The following SLC9A9 variants were observed in gnomAD, a reference collection of about 807,000 sequenced individuals.
SLC9A9 encodes solute carrier family 9 member A9, also known as sodium/hydrogen exchanger 9.
In SLC9A9, 62 loss-of-function variants were observed where a neutral mutation model predicts 77.8. That is an observed-to-expected ratio of 0.80 (90% CI 0.65 to 0.98). The LOEUF is 0.98. Among genes scored for constraint, SLC9A9 ranks in the 50% least tolerant of loss-of-function variants. The pLI, the probability that SLC9A9 is intolerant of heterozygous loss-of-function variation, is 0.00. For missense variants in SLC9A9, 775 were observed against 774.9 expected (o/e 1.00, Z 0.00); for synonymous variants, 320 against 283.5 (o/e 1.13, Z -1.29).
chr3:143,741,754 A>T (rs1337011401), intron 4 of SLC9A9, among the ~76,000 whole-genome samples: 1 of 152,122 alleles, frequency 6.6e-6, no homozygotes, highest in Non-Finnish European at 1.5e-5. Context: ...TACGTCGGTG[A>T]TCTTCCCCCT....
intron 14 of SLC9A9, among the ~76,000 whole-genome samples, chr3:143,338,062 A>T (rs76350350): frequency 7.8e-4 from 119 of 152,286 alleles, no homozygotes; most frequent in African/African-American, 2.8e-3. Flanking sequence ...GCCCTATTCA[A>T]ACATATACTC....
At chr3:143,346,916 A>G (rs1320338784) in intron 14 of SLC9A9, 1 of 152,240 alleles carries the variant, frequency 6.6e-6, no homozygotes, top group Non-Finnish European at 1.5e-5. Flanking sequence ...AATTTTTCAG[A>G]TGACTCTTGT....
chr3:143,715,781 G>C (rs1482798006), intron 4 of SLC9A9, among the ~76,000 whole-genome samples: 1 of 152,142 alleles, frequency 6.6e-6, no homozygotes, highest in Non-Finnish European at 1.5e-5. Context: ...CTCCCACACC[G>C]CAAGGTCAAG....
intron 9 of SLC9A9, among the ~76,000 whole-genome samples, chr3:143,510,209 C>T (rs1199682882): frequency 6.6e-6 from 1 of 151,940 alleles, no homozygotes; most frequent in Admixed American, 6.5e-5. Flanking sequence ...AATGTATATC[C>T]AAATACAGAC....
At chr3:143,808,062 C>T (rs2008771222) in intron 2 of SLC9A9, among the ~76,000 whole-genome samples, 1 of 152,162 alleles carries the variant, frequency 6.6e-6, no homozygotes, top group South Asian at 2.1e-4. Flanking sequence ...GCAGAATGAG[C>T]AGTCAACAAG....
At chr3:143,626,150 A>C (rs985546697) in intron 6 of SLC9A9, among the ~76,000 whole-genome samples, 36 of 152,228 alleles carry the variant, frequency 2.4e-4, no homozygotes, top group African/African-American at 8.2e-4. Context: ...AAATAGGAAC[A>C]CTTTTATGCT....
chr3:143,778,868 G>T (rs1418073320), intron 4 of SLC9A9, among the ~76,000 whole-genome samples: 2 of 152,190 alleles, frequency 1.3e-5, no homozygotes, highest in Non-Finnish European at 2.9e-5. Flanking sequence ...GGCTGCAATT[G>T]AGTGAGTTAA....
At chr3:143,425,170 C>T (rs933212948) in intron 12 of SLC9A9, among the ~76,000 whole-genome samples, 2 of 150,942 alleles carry the variant, frequency 1.3e-5, no homozygotes, top group South Asian at 2.1e-4. Flanking sequence ...TTATATATAT[C>T]GATTTAATAA....
At chr3:143,561,551 T>C (rs1439740234) in intron 8 of SLC9A9, among the ~76,000 whole-genome samples, 2 of 152,148 alleles carry the variant, frequency 1.3e-5, no homozygotes, top group Non-Finnish European at 2.9e-5. Flanking sequence ...TCAGCCCCTG[T>C]GGTATCTTGG....
At chr3:143,831,981 C>A (rs767656948) in intron 2 of SLC9A9, 38 bp downstream of exon 2, 22 of 1,551,450 alleles carry the variant, frequency 1.4e-5, no homozygotes, top group Non-Finnish European at 1.9e-5. Flanking sequence ...ATTATTTATA[C>A]TGTAAAACAA....
At chr3:143,767,245 C>T (rs1488948690) in intron 4 of SLC9A9, among the ~76,000 whole-genome samples, 5 of 151,980 alleles carry the variant, frequency 3.3e-5, no homozygotes, top group African/African-American at 1.2e-4. Context: ...TGGGCAGGAC[C>T]GGGTAACAAG....
chr3:143,430,908 T>C (rs2034502022), intron 12 of SLC9A9, among the ~76,000 whole-genome samples: 1 of 152,150 alleles, frequency 6.6e-6, no homozygotes, highest in African/African-American at 2.4e-5. Flanking sequence ...TCCTTTTTCC[T>C]TCCCACAACA....
chr3:143,548,154 T>C (rs902536261), intron 9 of SLC9A9, among the ~76,000 whole-genome samples: 1 of 152,166 alleles, frequency 6.6e-6, no homozygotes, highest in African/African-American at 2.4e-5. Flanking sequence ...GTGCCAACCA[T>C]GTGAAGGGAA....
intron 12 of SLC9A9, among the ~76,000 whole-genome samples, chr3:143,458,794 C>T (rs565337371): frequency 6.6e-5 from 10 of 152,124 alleles, no homozygotes; most frequent in Admixed American, 3.3e-4. Context: ...TTTTTAAAAC[C>T]TTAAGAAAAT....
At chr3:143,749,914 G>A (rs941649871) in intron 4 of SLC9A9, among the ~76,000 whole-genome samples, 2 of 152,172 alleles carry the variant, frequency 1.3e-5, no homozygotes, top group Admixed American at 6.5e-5. Context: ...TGTGCCTTTC[G>A]GATATGATTA....
At position 143,467,081 on chromosome 3, in the gene SLC9A9, T is replaced by A. The variant is rs61734422; in HGVS notation, c.1425A>T (p.Val475=). ...ACATGGGGGTTGTTCCTCCTCCAAA[T>A]ACCCAGACAGTGAAGAACACGAGGA... ...TLLLVFFTVW[V]FGGGTTPMLT... Residue 475 remains valine (V), a synonymous_variant, in exon 12 of 16, where the codon GTA becomes GTT. Coordinates refer to ENST00000316549, the MANE Select transcript of SLC9A9 (RefSeq NM_173653.4). The A allele has an allele frequency of 5.6e-6, 9 of 1,613,934 alleles. No homozygotes were observed. The highest frequency in any genetic ancestry group is 7.6e-6 in the Non-Finnish European group (9 of 1,180,006).
intron 14 of SLC9A9, among the ~76,000 whole-genome samples, chr3:143,312,324 C>T (rs983576569): frequency 1.3e-5 from 2 of 152,230 alleles, no homozygotes; most frequent in African/African-American, 4.8e-5. Context: ...GTCACAAAAG[C>T]ACCTCTACCA....
At chr3:143,367,708 A>G (rs1251854984) in intron 13 of SLC9A9, among the ~76,000 whole-genome samples, 2 of 152,178 alleles carry the variant, frequency 1.3e-5, no homozygotes, top group African/African-American at 4.8e-5. Context: ...GGTAGCATCA[A>G]TCTATCTGGA....
chr3:143,604,840 C>T (rs1009221885), intron 6 of SLC9A9, among the ~76,000 whole-genome samples: 1 of 152,112 alleles, frequency 6.6e-6, no homozygotes, highest in Admixed American at 6.5e-5. Context: ...TCTTGCAAAA[C>T]AAGAAAGAAG....
Sources: gnomAD v4.1 joint callset for allele counts (sites outside exome capture counted in the v4.1 genomes callset) on GRCh38, gnomAD v4.1.1 for gene constraint, MANE v1.5 for transcripts, NCBI Gene and HGNC (gene_info 2026-07-23, HGNC 2026-07-21) for gene names.